The following KCNIP4 variants were observed in gnomAD, a reference collection of about 807,000 sequenced individuals.
KCNIP4 encodes potassium voltage-gated channel interacting protein 4.
KCNIP4 carries 12 observed loss-of-function variants against 34.0 expected under a neutral mutation model. The ratio of observed to expected loss-of-function variants is 0.35; its 90% CI spans 0.23 to 0.57. The LOEUF (loss-of-function observed/expected upper bound fraction) is 0.57. Among genes scored for constraint, KCNIP4 ranks in the 20% least tolerant of loss-of-function variants. The pLI is 0.83. For missense variants in KCNIP4, 238 were observed against 311.7 expected (o/e 0.76, Z 1.78); for synonymous variants, 124 against 102.2 (o/e 1.21, Z -1.29).
At chr4:21,417,614 G>A (rs1577329583) in intron 1 of KCNIP4, among the ~76,000 whole-genome samples, 1 of 152,104 alleles carries the variant, frequency 6.6e-6, no homozygotes, top group Non-Finnish European at 1.5e-5. Flanking sequence ...CTGGCTGGGA[G>A]GTCACATTGG....
chr4:21,031,753 A>G (rs1469513218), intron 1 of KCNIP4, among the ~76,000 whole-genome samples: 1 of 152,194 alleles, frequency 6.6e-6, no homozygotes, highest in African/African-American at 2.4e-5. Flanking sequence ...AGCTAACTTC[A>G]TACAAATTCG....
intron 1 of KCNIP4, among the ~76,000 whole-genome samples, chr4:21,029,151 A>G (rs980078370): frequency 4.6e-5 from 7 of 152,326 alleles, no homozygotes; most frequent in African/African-American, 1.4e-4. Context: ...AGAAGCCTAC[A>G]TTTGTTAAAT....
intron 1 of KCNIP4, among the ~76,000 whole-genome samples, chr4:21,729,067 T>A (rs1490147038): frequency 6.6e-6 from 1 of 152,160 alleles, no homozygotes; most frequent in African/African-American, 2.4e-5. Flanking sequence ...ATATCTCTCC[T>A]CCAGAACCTA....
intron 1 of KCNIP4, among the ~76,000 whole-genome samples, chr4:21,792,000 C>CAAAAAAAAAAAAAAAAA (rs71193407): frequency 1.7e-5 from 1 of 59,752 alleles, no homozygotes; most frequent in African/African-American, 7.6e-5. Context: ...GACTCCGTCT[C>CAAAAAAAAAAAAAAAAA]AAAAAAAAAA....
At chr4:21,910,609 G>T (rs1175396225) in intron 1 of KCNIP4, among the ~76,000 whole-genome samples, 1 of 152,118 alleles carries the variant, frequency 6.6e-6, no homozygotes, top group Non-Finnish European at 1.5e-5. Flanking sequence ...ACAGATGCTT[G>T]CTCTTCAATA....
chr4:21,644,078 TAA>T (rs5856655), intron 1 of KCNIP4, among the ~76,000 whole-genome samples: 2 of 150,936 alleles, frequency 1.3e-5, no homozygotes, highest in African/African-American at 4.9e-5. Context: ...GTCCTGGTTT[TAA>T]AAAAAAAATC....
At chr4:21,645,356 T>C (rs1447703901) in intron 1 of KCNIP4, among the ~76,000 whole-genome samples, 3 of 152,200 alleles carry the variant, frequency 2.0e-5, no homozygotes, top group Non-Finnish European at 4.4e-5. Flanking sequence ...TTTTAACTAC[T>C]GTATTAAGCG....
chr4:21,586,783 A>G (rs1338680005), intron 1 of KCNIP4, among the ~76,000 whole-genome samples: 1 of 152,086 alleles, frequency 6.6e-6, no homozygotes, highest in Non-Finnish European at 1.5e-5. Flanking sequence ...ATACTAAAAT[A>G]ACCCCTGGAT....
intron 1 of KCNIP4, among the ~76,000 whole-genome samples, chr4:21,104,244 C>A (rs1480085985): frequency 6.6e-6 from 1 of 151,912 alleles, no homozygotes; most frequent in East Asian, 1.9e-4. Flanking sequence ...TCCACATCCT[C>A]TCCAGCACCT....
intron 1 of KCNIP4, chr4:20,983,702 G>A (rs1736313303): frequency 1.2e-6 from 1 of 816,992 alleles, no homozygotes; most frequent in Non-Finnish European, 1.9e-6. Context: ...TGCCAAACAT[G>A]CATATTTTAA....
chr4:21,648,082 T>C (rs1266791569), intron 1 of KCNIP4, among the ~76,000 whole-genome samples: 4 of 151,446 alleles, frequency 2.6e-5, no homozygotes, highest in Non-Finnish European at 5.9e-5. Context: ...ACCGTGTTAG[T>C]GAGGATGGTC....
intron 3 of KCNIP4, among the ~76,000 whole-genome samples, chr4:20,824,951 T>A (rs1350804669): frequency 1.3e-5 from 2 of 152,214 alleles, no homozygotes; most frequent in African/African-American, 2.4e-5. Flanking sequence ...TGTTTAAAAT[T>A]ATTGATTTTT....
chr4:21,057,417 C>T (rs1743505939), intron 1 of KCNIP4, among the ~76,000 whole-genome samples: 1 of 152,080 alleles, frequency 6.6e-6, no homozygotes, highest in African/African-American at 2.4e-5. Context: ...TGAAGGAAAC[C>T]TTTGTTAGCC....
chr4:20,825,118 C>T (rs572266670), intron 3 of KCNIP4, among the ~76,000 whole-genome samples: 48 of 151,826 alleles, frequency 3.2e-4, no homozygotes, highest in African/African-American at 1.1e-3. Flanking sequence ...ACTTCAGAAG[C>T]AGACAGGGTG....
At chr4:21,413,122 A>T (rs1303833448) in intron 1 of KCNIP4, among the ~76,000 whole-genome samples, 1 of 152,186 alleles carries the variant, frequency 6.6e-6, no homozygotes, top group Non-Finnish European at 1.5e-5. Context: ...TCAGGTGGTC[A>T]AGTTAGACTA....
intron 1 of KCNIP4, among the ~76,000 whole-genome samples, chr4:21,562,839 T>C (rs1031474266): frequency 1.3e-5 from 2 of 152,040 alleles, no homozygotes; most frequent in African/African-American, 4.8e-5. Context: ...AAAAATTATT[T>C]CAAGCTTAAG....
rs201635581 is a variant in KCNIP4 at position 21,612,180 on chromosome 4, T to C, written c.61+336391A>G. On this transcript the variant is annotated intron_variant, in intron 1 of 8. Coordinates refer to ENST00000382152, the MANE Select transcript of KCNIP4 (RefSeq NM_025221.6). Reference sequence around the variant, plus strand: ...TTAAAAAAAGGAGGTTTTTCTGTTTTATTTCATTTTAGGCTGAAATTGGTT... The same window carrying C: ...TTAAAAAAAGGAGGTTTTTCTGTTTCATTTCATTTTAGGCTGAAATTGGTT... Among the ~76,000 whole-genome samples the C allele has an allele frequency of 1.1e-4, 16 of 152,242 alleles. No homozygotes were observed. In the East Asian group the frequency reaches 3.1e-3, roughly 29 times the overall value.
chr4:21,874,999 G>A (rs543055960), intron 1 of KCNIP4, among the ~76,000 whole-genome samples: 1 of 152,120 alleles, frequency 6.6e-6, no homozygotes, highest in South Asian at 2.1e-4. Flanking sequence ...AACAAACAAC[G>A]ACAACTAAAA....
intron 1 of KCNIP4, among the ~76,000 whole-genome samples, chr4:21,154,838 A>G (rs114261632): frequency 6.6e-6 from 1 of 152,168 alleles, no homozygotes; most frequent in Non-Finnish European, 1.5e-5. Flanking sequence ...GAATGTAAGC[A>G]TAATGGCTGG....
Sources: allele counts gnomAD v4.1 joint callset (sites outside exome capture counted in the v4.1 genomes callset), GRCh38; gene constraint gnomAD v4.1.1; transcripts MANE v1.5; gene names NCBI Gene and HGNC (gene_info 2026-07-23, HGNC 2026-07-21).